Variants in SRSF11 observed in about 807,000 individuals in gnomAD.
SRSF11 encodes the protein serine and arginine rich splicing factor 11.
SRSF11 carries 9 observed loss-of-function variants against 56.0 expected under a neutral mutation model. The ratio of observed to expected loss-of-function variants is 0.16; its 90% CI spans 0.10 to 0.28. SRSF11 has a LOEUF of 0.28. Ranked by LOEUF, SRSF11 falls within the 10% of genes least tolerant of loss-of-function variation. The pLI, the probability that SRSF11 is intolerant of heterozygous loss-of-function variation, is 1.00. For missense variants in SRSF11, 421 were observed against 600.7 expected (o/e 0.70, Z 3.13); for synonymous variants, 222 against 215.3 (o/e 1.03, Z -0.27).
intron 1 of SRSF11, among the ~76,000 whole-genome samples, chr1:70,215,282 A>C (rs560780729): frequency 6.6e-6 from 1 of 152,294 alleles, no homozygotes; most frequent in African/African-American, 2.4e-5. Context: ...AAAGGGGAAA[A>C]AAAATATAGC....
rs1245561291 is a variant in SRSF11 at position 70,234,719 on chromosome 1, T to C, written c.471T>C (p.Ala157=). The change falls in exon 4 of 12, where the codon GCT becomes GCC. Residue 157 remains alanine (A), a synonymous_variant. Coordinates refer to ENST00000370949, the MANE Select transcript of SRSF11 (RefSeq NM_001350605.2). ...LTQIGAVPLA[A]LGAPTLDPAL... ...AGATTGGCGCTGTTCCACTGGCTGC[T>C]TTGGGGGCTCCTACTCTTGATCCTG... is the stretch of plus-strand genomic sequence containing the variant. 7 of 1,608,018 alleles carry C rather than the reference T, an allele frequency of 4.4e-6. No individual in the cohort carries two copies. Among genetic ancestry groups the C allele is most frequent in the Non-Finnish European group, 5.9e-6 (7 of 1,177,568 alleles).
At chr1:70,209,344 CAA>C (rs1669331052) in intron 1 of SRSF11, among the ~76,000 whole-genome samples, 3 of 152,132 alleles carry the variant, frequency 2.0e-5, no homozygotes, top group African/African-American at 7.2e-5. Flanking sequence ...CAAGTAAGAG[CAA>C]AGTGTATTTG....
intron 6 of SRSF11, among the ~76,000 whole-genome samples, chr1:70,237,953 G>C (rs1309318068): frequency 6.6e-6 from 1 of 152,072 alleles, no homozygotes; most frequent in Non-Finnish European, 1.5e-5. Context: ...AAATGCTTCT[G>C]TTTAAAATGA....
chr1:70,241,123 C>T (rs1304078046), intron 7 of SRSF11, among the ~76,000 whole-genome samples: 1 of 152,180 alleles, frequency 6.6e-6, no homozygotes, highest in Admixed American at 6.6e-5. Context: ...TCTTCTGGAA[C>T]CTAGTTCTGT....
Position 70,244,709 on chromosome 1 carries a change from C to G in SRSF11, c.826C>G (p.Arg276Gly). The change falls in exon 8 of 12, where the codon CGG becomes GGG. Residue 276 changes from arginine to glycine, a missense_variant. By Grantham distance (125) the Arg-to-Gly change is moderately radical. Coordinates refer to ENST00000370949, the MANE Select transcript of SRSF11 (RefSeq NM_001350605.2). ...HRRSRSRSRRRSHSKSRSRRR... is the reference protein window; with the variant it reads ...HRRSRSRSRRGSHSKSRSRRR... Reference sequence around the variant, plus strand: ...GCGGTCAAGAAGCAGATCGAGACGGCGGTCACATTCTAAGTCTAGGAGTCG... The same window carrying G: ...GCGGTCAAGAAGCAGATCGAGACGGGGGTCACATTCTAAGTCTAGGAGTCG... 3.7e-6 allele frequency: 6 copies of G among 1,613,938 alleles called. No homozygotes were observed. Among genetic ancestry groups the G allele is most frequent in the South Asian group, 1.1e-5 (1 of 91,064 alleles).
At position 70,221,732 on chromosome 1, in the gene SRSF11, C is replaced by A; in HGVS notation, c.96C>A (p.Thr32=). The change falls in exon 1 of 12, where the codon ACC becomes ACA. Residue 32 remains threonine, a synonymous_variant. Transcript: ENST00000370949. The part of the protein sequence containing the change: ...GGGGGGGGGG[T]EVIQVTNVSP... ...GTGGTGGCGGCGGAGGCGGCGGCAC[C>A]GAGGTAATCCAGGTGACTAATGTCT... 3.1e-6 allele frequency: 5 copies of A among 1,614,062 alleles called. No individual in the cohort carries two copies. The highest frequency in any genetic ancestry group is 4.2e-6 in the Non-Finnish European group (5 of 1,179,968).
intron 1 of SRSF11, among the ~76,000 whole-genome samples, chr1:70,214,899 T>G (rs1558144155): frequency 6.8e-6 from 1 of 146,102 alleles, no homozygotes; most frequent in Non-Finnish European, 1.5e-5. Flanking sequence ...GATAAGTTTT[T>G]TTTTTTTTTT....
intron 2 of SRSF11, chr1:70,228,825 A>C: frequency 9.0e-7 from 1 of 1,113,514 alleles, no homozygotes; most frequent in East Asian, 5.6e-5. Flanking sequence ...ACTCCCTGAG[A>C]TACATCTACT....
intron 2 of SRSF11, chr1:70,228,998 G>GAA (rs3835560): frequency 6.2e-5 from 52 of 837,154 alleles, no homozygotes; most frequent in Middle Eastern, 6.4e-4. Context: ...TGATAATCTG[G>GAA]AAAAAAAAAA....
intron 1 of SRSF11, among the ~76,000 whole-genome samples, chr1:70,224,475 TAAC>T (rs928894398): frequency 6.6e-6 from 1 of 152,214 alleles, no homozygotes; most frequent in African/African-American, 2.4e-5. Context: ...AGGTTAAGTT[TAAC>T]AACTTCTCTC....
Position 70,240,619 on chromosome 1 carries a change from A to AT in SRSF11, c.800+1102dup, listed in dbSNP as rs559394642. Among the ~76,000 whole-genome samples, 31 of 152,270 alleles carry AT rather than the reference A, an allele frequency of 2.0e-4. 1 individual carries two copies. In the East Asian group the frequency reaches 6.0e-3, roughly 29 times the overall value. On this transcript the variant is annotated intron_variant, in intron 7 of 11. Coordinates refer to ENST00000370949, the MANE Select transcript of SRSF11 (RefSeq NM_001350605.2). ...TTTCAGCCATTCTTCGATTTTCTTA[A>AT]TTTCCAAACTCAATCCTAATTGGCC...
chr1:70,230,786 T>A (rs1483582725), intron 2 of SRSF11: 1 of 1,174,140 alleles, frequency 8.5e-7, no homozygotes, highest in Non-Finnish European at 1.1e-6. Flanking sequence ...ATGTTGCAAA[T>A]GCACTAATTT....
intron 3 of SRSF11, among the ~76,000 whole-genome samples, chr1:70,234,231 C>G (rs1238467121): frequency 1.3e-5 from 2 of 152,108 alleles, no homozygotes; most frequent in African/African-American, 4.8e-5. Flanking sequence ...CAAATGAAGT[C>G]TTATATCATG....
At chr1:70,210,648 G>A (rs1315849443) in intron 1 of SRSF11, among the ~76,000 whole-genome samples, 1 of 152,166 alleles carries the variant, frequency 6.6e-6, no homozygotes, top group African/African-American at 2.4e-5. Context: ...CCGGAAGGCC[G>A]AGGTTGCAAT....
chr1:70,215,089 G>T (rs1464588721), intron 1 of SRSF11, among the ~76,000 whole-genome samples: 2 of 151,638 alleles, frequency 1.3e-5, no homozygotes, highest in African/African-American at 4.8e-5. Flanking sequence ...GTAGAGGCGG[G>T]GTTTCGTCAT....
intron 7 of SRSF11, among the ~76,000 whole-genome samples, chr1:70,244,020 A>G (rs1468425567): frequency 6.6e-6 from 1 of 152,230 alleles, no homozygotes. Flanking sequence ...AGAGAAACAG[A>G]TATGTCAGGG....
intron 7 of SRSF11, among the ~76,000 whole-genome samples, chr1:70,243,774 G>T (rs1418958102): frequency 6.6e-6 from 1 of 152,214 alleles, no homozygotes; most frequent in Admixed American, 6.5e-5. Context: ...GAATGGGCCG[G>T]TTGTGGTGGT....
At chr1:70,235,976 A>G (rs1571811815) in intron 5 of SRSF11, among the ~76,000 whole-genome samples, 1 of 152,272 alleles carries the variant, frequency 6.6e-6, no homozygotes, top group South Asian at 2.1e-4. Context: ...TGTCACAGAA[A>G]TTGTTTCCGA....
chr1:70,217,875 A>C (rs920310343), upstream of SRSF11, among the ~76,000 whole-genome samples: 2 of 152,178 alleles, frequency 1.3e-5, no homozygotes, highest in Non-Finnish European at 2.9e-5. Flanking sequence ...ATTATGATTC[A>C]ACTCTTCATT....
Sources: allele counts gnomAD v4.1 joint callset (sites outside exome capture counted in the v4.1 genomes callset), GRCh38; gene constraint gnomAD v4.1.1; transcripts MANE v1.5; gene names NCBI Gene and HGNC (gene_info 2026-07-23, HGNC 2026-07-21).